FRMD4A: variants seen among roughly 807,000 people sequenced by gnomAD.
FRMD4A encodes the protein FERM domain containing 4A.
Under a neutral mutation model 129.1 loss-of-function variants are expected in FRMD4A, and 29 were observed. That is an observed-to-expected ratio of 0.22 (90% CI 0.17 to 0.31). The LOEUF is 0.31. Ranked by LOEUF, FRMD4A falls within the 10% of genes least tolerant of loss-of-function variation. The pLI is 1.00. For missense variants in FRMD4A, 1,272 were observed against 1,375.8 expected, an observed-to-expected ratio of 0.92 and a Z score of 1.19; for synonymous variants, 634 against 571.6, an observed-to-expected ratio of 1.11 and a Z score of -1.56.
intron 2 of FRMD4A, among the ~76,000 whole-genome samples, chr10:13,979,853 C>A (rs553912333): frequency 6.6e-6 from 1 of 152,336 alleles, no homozygotes; most frequent in Non-Finnish European, 1.5e-5. Context: ...TCTCTTGCTG[C>A]TTTTAGGTGG....
At chr10:14,312,305 C>G (rs374964760) in intron 2 of FRMD4A, among the ~76,000 whole-genome samples, 58 of 152,318 alleles carry the variant, frequency 3.8e-4, no homozygotes, top group African/African-American at 1.3e-3. Flanking sequence ...TAACACCCTT[C>G]AGAGAATAGC....
chr10:13,907,894 A>G lies in FRMD4A; in HGVS notation c.46-48982T>C, dbSNP rs186517528. Among the ~76,000 whole-genome samples the G allele has an allele frequency of 4.7e-3, 704 of 150,816 alleles. 5 individuals carry two copies. The highest frequency in any genetic ancestry group is 0.016 in the African/African-American group (653 of 41,140). On this transcript the variant is annotated intron_variant, in intron 2 of 24. Transcript: ENST00000357447. ...AAAAAAGCACAGATAGGCCGGGTGC[A>G]GTGGCTCACACCTGTAATGCCAGCA... is the stretch of plus-strand genomic sequence containing the variant.
At chr10:14,133,803 G>C (rs1049592994) in intron 2 of FRMD4A, among the ~76,000 whole-genome samples, 2 of 152,174 alleles carry the variant, frequency 1.3e-5, no homozygotes, top group Non-Finnish European at 2.9e-5. Flanking sequence ...TATTCCCTGA[G>C]TAAAAGCCCA....
intron 24 of FRMD4A, chr10:13,649,714 CTTGTTCTGGCTGCTCAG>C (rs1176344013): frequency 6.6e-6 from 1 of 152,162 alleles, no homozygotes; most frequent in Non-Finnish European, 1.5e-5. Context: ...GGAAGAGACC[CTTGTTCTGGCTGCTCAG>C]CTAAGCCTTT....
At chr10:13,893,644 C>T (rs922873296) in intron 2 of FRMD4A, among the ~76,000 whole-genome samples, 5 of 152,136 alleles carry the variant, frequency 3.3e-5, no homozygotes, top group Admixed American at 2.6e-4. Flanking sequence ...GCCTTAGCCT[C>T]CCGAGTAGCT....
intron 21 of FRMD4A, among the ~76,000 whole-genome samples, chr10:13,658,132 T>TAAAAAAAAAAAAA (rs565374030): frequency 3.7e-5 from 3 of 81,240 alleles, no homozygotes; most frequent in Non-Finnish European, 4.8e-5. Context: ...CTGTCTCTCT[T>TAAAAAAAAAAAAA]AAAAAAAAAA....
At chr10:14,256,450 GA>G (rs1463131968) in intron 2 of FRMD4A, among the ~76,000 whole-genome samples, 24 of 152,056 alleles carry the variant, frequency 1.6e-4, no homozygotes, top group Admixed American at 1.6e-3. Context: ...AACCCATCTT[GA>G]AGAATAAGCA....
At chr10:13,716,892 A>G (rs576060364) in intron 12 of FRMD4A, among the ~76,000 whole-genome samples, 130 of 152,334 alleles carry the variant, frequency 8.5e-4, no homozygotes, top group African/African-American at 3.0e-3. Flanking sequence ...AGACTTCACC[A>G]TAAAGCTTTG....
intron 2 of FRMD4A, among the ~76,000 whole-genome samples, chr10:14,115,523 C>T (rs979360907): frequency 6.6e-6 from 1 of 152,160 alleles, no homozygotes; most frequent in Non-Finnish European, 1.5e-5. Flanking sequence ...TATTTGTCCC[C>T]TTTTAATCTC....
chr10:14,112,979 T>C (rs1838001797), intron 2 of FRMD4A, among the ~76,000 whole-genome samples: 1 of 152,190 alleles, frequency 6.6e-6, no homozygotes, highest in East Asian at 1.9e-4. Flanking sequence ...AGTGAAACAC[T>C]CACTGAGAGG....
chr10:13,697,152 AT>A (rs11309575), intron 14 of FRMD4A, among the ~76,000 whole-genome samples: 44,323 of 136,374 alleles, frequency 0.33, 6,676 homozygotes, highest in African/African-American at 0.41. Flanking sequence ...AAACTACTGG[AT>A]TTTTTTTTTT....
chr10:13,948,711 GCA>G (rs1456835392), intron 2 of FRMD4A, among the ~76,000 whole-genome samples: 27 of 147,060 alleles, frequency 1.8e-4, no homozygotes, highest in Non-Finnish European at 3.9e-4. Flanking sequence ...GAGTGCAGTG[GCA>G]CAGTCTCGGC....
chr10:14,329,382 C>T (rs1205634175), intron 2 of FRMD4A, among the ~76,000 whole-genome samples: 2 of 152,158 alleles, frequency 1.3e-5, no homozygotes, highest in Non-Finnish European at 2.9e-5. Context: ...CAAGACAGTG[C>T]CCATGTCCTT....
intron 2 of FRMD4A, among the ~76,000 whole-genome samples, chr10:13,931,162 AGAG>A (rs1198265056): frequency 6.6e-6 from 1 of 152,174 alleles, no homozygotes; most frequent in Non-Finnish European, 1.5e-5. Flanking sequence ...GTCAGGGGGA[AGAG>A]GAGATTAGAG....
Position 14,129,409 on chromosome 10 carries a change from A to ATATATATATAT in FRMD4A, c.45+200648_45+200649insATATATATATA, listed in dbSNP as rs58579085. On this transcript the variant is annotated intron_variant, in intron 2 of 24. Transcript: ENST00000357447. ...ATATATATATATATATATATATATA[A>ATATATATATAT]AAAATATGAGCTGTAGAACATACTT... Among the ~76,000 whole-genome samples the ATATATATATAT allele has an allele frequency of 5.9e-4, 55 of 93,492 alleles. 2 individuals carry two copies. The highest frequency in any genetic ancestry group is 7.4e-4 in the Non-Finnish European group (37 of 50,308). 61.3% of individuals were successfully genotyped at this position (93,492 alleles called of 152,430 possible).
chr10:14,134,680 T>C (rs916989694), intron 2 of FRMD4A, among the ~76,000 whole-genome samples: 3 of 151,128 alleles, frequency 2.0e-5, no homozygotes, highest in African/African-American at 4.9e-5. Context: ...TACAAATGAA[T>C]GGATGGATGG....
chr10:13,918,072 A>AACTGC (rs757671517), intron 2 of FRMD4A, among the ~76,000 whole-genome samples: 33 of 152,254 alleles, frequency 2.2e-4, no homozygotes, highest in Non-Finnish European at 4.3e-4. Context: ...CTCCACCTAA[A>AACTGC]ACTGCTTTCT....
intron 2 of FRMD4A, among the ~76,000 whole-genome samples, chr10:14,070,155 C>G (rs1565227004): frequency 6.6e-6 from 1 of 152,172 alleles, no homozygotes; most frequent in African/African-American, 2.4e-5. Context: ...GCATTCTCCA[C>G]CTCTCTCTGA....
intron 2 of FRMD4A, among the ~76,000 whole-genome samples, chr10:13,866,875 G>A (rs1442259572): frequency 6.6e-6 from 1 of 152,158 alleles, no homozygotes; most frequent in Non-Finnish European, 1.5e-5. Flanking sequence ...TTGAACCTGG[G>A]AGGCGGAGGT....
Sources: gnomAD v4.1 joint callset for allele counts (sites outside exome capture counted in the v4.1 genomes callset) on GRCh38, gnomAD v4.1.1 for gene constraint, MANE v1.5 for transcripts, NCBI Gene and HGNC (gene_info 2026-07-23, HGNC 2026-07-21) for gene names.